Variants in PHEX observed in about 807,000 individuals in gnomAD.
PHEX encodes the protein phosphate-regulating neutral endopeptidase PHEX.
In PHEX, 16 loss-of-function variants were observed where a neutral mutation model predicts 68.0. The observed-to-expected ratio is 0.24, with a 90% confidence interval of 0.16 to 0.36. The LOEUF (loss-of-function observed/expected upper bound fraction) is 0.36, where lower values mean the gene tolerates loss of function less well. Among genes scored for constraint, PHEX ranks in the 10% least tolerant of loss-of-function variants. PHEX has a pLI of 1.00. For synonymous variants in PHEX, 208 were observed against 205.1 expected, an observed-to-expected ratio of 1.01 and a Z score of -0.12; for missense variants, 480 against 575.5, an observed-to-expected ratio of 0.83 and a Z score of 1.70.
At chrX:22,064,967 G>A (rs1301845854) in intron 3 of PHEX, among the ~76,000 whole-genome samples, 1 of 112,337 alleles carries the variant, frequency 8.9e-6, no homozygotes, top group African/African-American at 3.2e-5. Flanking sequence ...ATGATTAATA[G>A]CATCTATGTG....
intron 13 of PHEX, among the ~76,000 whole-genome samples, chrX:22,175,294 G>T (rs1446155243): frequency 1.8e-5 from 2 of 110,129 alleles, no homozygotes. Flanking sequence ...GTTCTGGTAG[G>T]TCCTTACTTA....
At chrX:22,117,181 T>C (rs4824226) in intron 11 of PHEX, among the ~76,000 whole-genome samples, 24,401 of 111,495 alleles carry the variant, frequency 0.22, 2,075 homozygotes, top group Non-Finnish European at 0.26. Flanking sequence ...ATATGAGCTC[T>C]AGAAAACTTT....
intron 8 of PHEX, among the ~76,000 whole-genome samples, chrX:22,097,352 T>A (rs1930187215): frequency 2.7e-5 from 3 of 112,466 alleles, no homozygotes; most frequent in Non-Finnish European, 5.6e-5. Context: ...GTTCTTTCTA[T>A]CTTTCCATCC....
At chrX:22,114,403 T>G in intron 10 of PHEX, 55 bp from the exon 11 acceptor site, 1 of 1,145,328 alleles carries the variant, frequency 8.7e-7, no homozygotes, top group Non-Finnish European at 1.2e-6. Flanking sequence ...TGAATTGTTT[T>G]CAGCCATGGG....
intron 9 of PHEX, among the ~76,000 whole-genome samples, chrX:22,104,233 C>A (rs937840287): frequency 9.0e-6 from 1 of 111,605 alleles, no homozygotes; most frequent in African/African-American, 3.3e-5. Flanking sequence ...GGGGATTAGG[C>A]CTCTTTCTCT....
chrX:22,131,934 AG>A (rs1263753574), intron 11 of PHEX, among the ~76,000 whole-genome samples: 2 of 111,264 alleles, frequency 1.8e-5, no homozygotes, highest in African/African-American at 6.5e-5. Context: ...GTGACGTGTC[AG>A]TAGCCCCTTT....
chrX:22,234,140 G>T (rs1383165503), intron 20 of PHEX, among the ~76,000 whole-genome samples: 2 of 113,027 alleles, frequency 1.8e-5, no homozygotes, highest in African/African-American at 6.4e-5. Context: ...AGCAAAAATT[G>T]CTGCCTGTTC....
intron 20 of PHEX, among the ~76,000 whole-genome samples, chrX:22,238,632 A>G (rs1936070956): frequency 9.0e-6 from 1 of 111,703 alleles, no homozygotes; most frequent in Non-Finnish European, 1.9e-5. Flanking sequence ...TTACCCTCAC[A>G]GTGTAAACAA....
At chrX:22,158,131 G>A (rs1933005463) in intron 12 of PHEX, among the ~76,000 whole-genome samples, 1 of 111,959 alleles carries the variant, frequency 8.9e-6, no homozygotes, top group African/African-American at 3.2e-5. Flanking sequence ...CATTAGCTCC[G>A]CTTAGGGTAA....
At chrX:22,036,317 C>T (rs111286199) in intron 1 of PHEX, among the ~76,000 whole-genome samples, 2 of 109,285 alleles carry the variant, frequency 1.8e-5, no homozygotes, top group African/African-American at 6.7e-5. Context: ...ACCTCGGCCA[C>T]CCAAAGTGCT....
intron 12 of PHEX, among the ~76,000 whole-genome samples, chrX:22,151,547 G>T (rs1246388934): frequency 9.0e-6 from 1 of 111,400 alleles, no homozygotes; most frequent in Non-Finnish European, 1.9e-5. Context: ...GGATGCTTAT[G>T]GCAGACTCCA....
At chrX:22,156,700 T>C (rs5951712) in intron 12 of PHEX, among the ~76,000 whole-genome samples, 8,677 of 109,856 alleles carry the variant, frequency 0.079, 932 homozygotes, top group African/African-American at 0.27. Context: ...TGGTTATGTC[T>C]GGATAAATGG....
intron 12 of PHEX, among the ~76,000 whole-genome samples, chrX:22,160,890 T>C (rs143706206): frequency 0.011 from 1,250 of 111,312 alleles, 17 homozygotes; most frequent in African/African-American, 0.039. Context: ...TCCCAGCACT[T>C]TGGGAGGCTG....
At chrX:22,239,052 T>G (rs1350594434) in intron 20 of PHEX, among the ~76,000 whole-genome samples, 1 of 112,116 alleles carries the variant, frequency 8.9e-6, no homozygotes, top group African/African-American at 3.2e-5. Context: ...ATCTTTGCTC[T>G]TCTGTGTAGA....
At chrX:22,110,350 C>T (rs1338956259) in intron 9 of PHEX, among the ~76,000 whole-genome samples, 1 of 112,218 alleles carries the variant, frequency 8.9e-6, no homozygotes, top group Non-Finnish European at 1.9e-5. Context: ...GTGAGCTATG[C>T]GTACATTTAA....
At chrX:22,058,296 G>C (rs1050154166) in intron 3 of PHEX, among the ~76,000 whole-genome samples, 1 of 112,191 alleles carries the variant, frequency 8.9e-6, no homozygotes, top group African/African-American at 3.2e-5. Context: ...CAAATCCAAT[G>C]AGATGCGTAG....
chrX:22,207,661 T>C (rs1258215319), intron 15 of PHEX, among the ~76,000 whole-genome samples: 1 of 111,441 alleles, frequency 9.0e-6, no homozygotes, highest in African/African-American at 3.3e-5. Context: ...GTTGTCATCA[T>C]ACAAAATTAC....
chrX:22,159,580 A>G (rs1933051370), intron 12 of PHEX, among the ~76,000 whole-genome samples: 1 of 112,440 alleles, frequency 8.9e-6, no homozygotes, highest in Admixed American at 9.4e-5. Context: ...ATGATACATG[A>G]AAGTTGTATG....
chrX:22,233,042 C>T (rs185403568), intron 20 of PHEX, among the ~76,000 whole-genome samples: 32 of 111,495 alleles, frequency 2.9e-4, no homozygotes, highest in Non-Finnish European at 4.5e-4. Flanking sequence ...GATTTTATTT[C>T]TCCTTTGCTT....
Sources: allele counts gnomAD v4.1 joint callset (sites outside exome capture counted in the v4.1 genomes callset), GRCh38; gene constraint gnomAD v4.1.1; transcripts MANE v1.5; gene names NCBI Gene and HGNC (gene_info 2026-07-23, HGNC 2026-07-21).